The following CPED1 variants were observed in gnomAD, a reference collection of about 807,000 sequenced individuals.
The protein encoded by CPED1 is cadherin like and PC-esterase domain containing 1.
In CPED1, 114 loss-of-function variants were observed where a neutral mutation model predicts 128.2. That is an observed-to-expected ratio of 0.89 (90% confidence interval 0.76 to 1.04). The LOEUF (loss-of-function observed/expected upper bound fraction) is 1.04. CPED1 is among the 50% of genes least tolerant of loss of function. CPED1 has a pLI of 0.00. For synonymous variants in CPED1, 462 were observed against 426.7 expected (o/e 1.08, Z -1.02); for missense variants, 1,211 against 1,207.1 (o/e 1.00, Z -0.05).
chr7:121,267,595 T>C (rs953145984), intron 21 of CPED1, among the ~76,000 whole-genome samples: 1 of 151,626 alleles, frequency 6.6e-6, no homozygotes, highest in East Asian at 2.0e-4. Flanking sequence ...GATTGCTTTA[T>C]TTTAAAAATA....
chr7:121,099,973 A>C lies in CPED1; in HGVS notation c.797A>C (p.Glu266Ala), dbSNP rs1398375518. 6.2e-7 allele frequency: 1 copy of C among 1,613,712 alleles called. No individual in the cohort carries two copies. The highest frequency in any genetic ancestry group is 1.7e-5 in the Admixed American group (1 of 59,948). ...CCACATGAAACAATCTTTCGAGCCG[A>C]AGATCTATCTGTGATTCTTAAAGCG... ...LAPHETIFRAEDLSVILKAYV... is the reference protein window; with the variant it reads ...LAPHETIFRAADLSVILKAYV... Residue 266 changes from glutamate to alanine, a missense_variant, in exon 7 of 23, where the codon GAA becomes GCA. Transcript: ENST00000310396.
chr7:121,162,514 G>A (rs1337442145), intron 16 of CPED1, among the ~76,000 whole-genome samples: 1 of 152,180 alleles, frequency 6.6e-6, no homozygotes, highest in Non-Finnish European at 1.5e-5. Flanking sequence ...GTGGGAGGAA[G>A]GATGGTAATT....
At chr7:121,086,376 T>C (rs1794426583) in intron 5 of CPED1, among the ~76,000 whole-genome samples, 1 of 152,184 alleles carries the variant, frequency 6.6e-6, no homozygotes, top group South Asian at 2.1e-4. Flanking sequence ...AAACCTTACC[T>C]AATGGAAAGA....
At chr7:121,245,912 C>T (rs186266112) in intron 18 of CPED1, among the ~76,000 whole-genome samples, 5 of 152,100 alleles carry the variant, frequency 3.3e-5, no homozygotes, top group East Asian at 3.9e-4. Flanking sequence ...GGGCTGGTCT[C>T]GAACTCCTGA....
chr7:121,214,379 G>A (rs546080305), intron 16 of CPED1, among the ~76,000 whole-genome samples: 1 of 151,882 alleles, frequency 6.6e-6, no homozygotes, highest in Non-Finnish European at 1.5e-5. Flanking sequence ...TGCAACCTCC[G>A]CCTCACAAGA....
At chr7:121,289,229 A>G (rs1326207167) in intron 22 of CPED1, among the ~76,000 whole-genome samples, 1 of 152,222 alleles carries the variant, frequency 6.6e-6, no homozygotes, top group Non-Finnish European at 1.5e-5. Flanking sequence ...CAAACCTTCC[A>G]TAGCTACAGG....
rs559544967 is a variant in CPED1, at chr7:121,137,634, A to G, written c.1699+1544A>G. 2.6e-5 allele frequency among the ~76,000 whole-genome samples: 4 copies of G among 152,244 alleles called. No individual in the cohort carries two copies. In the East Asian group the frequency reaches 7.7e-4, roughly 29 times the overall value. The stretch of plus-strand genomic sequence containing the variant: ...TAGAATTAACGTATATAGCCAATTA[A>G]AGAAAATGGCATTTTAAATAAAGTA... On this transcript the variant is annotated intron_variant, in intron 14 of 22. Transcript: ENST00000310396.
intron 16 of CPED1, among the ~76,000 whole-genome samples, chr7:121,218,868 A>G (rs1797818417): frequency 6.6e-6 from 1 of 152,026 alleles, no homozygotes; most frequent in African/African-American, 2.4e-5. Context: ...AAAAAATGAC[A>G]AAAAAAGTTG....
chr7:121,127,098 G>C lies in CPED1; in HGVS notation c.1143G>C (p.Glu381Asp). The C allele has an allele frequency of 6.3e-7, 1 of 1,588,164 alleles. No homozygotes were observed. The highest frequency in any genetic ancestry group is 8.5e-7 in the Non-Finnish European group (1 of 1,169,826). Reference protein sequence around the residue: ...FMYPVVLQVHEHLNFQDYDNM... With the variant: ...FMYPVVLQVHDHLNFQDYDNM... ...CTTTTGTTCTTTCAAAGGTACACGA[G>C]CATTTAAATTTTCAAGATTATGATA... is the stretch of plus-strand genomic sequence containing the variant. The change falls in exon 10 of 23, where the codon GAG (glutamate) becomes GAC (aspartate). Residue 381 changes from glutamate to aspartate, a missense_variant. Coordinates refer to ENST00000310396, the MANE Select transcript of CPED1 (RefSeq NM_024913.5).
Position 121,064,399 on chromosome 7 carries a change from G to A in CPED1, c.616+86G>A, listed in dbSNP as rs934089432. ...AAGCAGCTAACATGGTCTCAGGTCA[G>A]CATCTGTTGCTACTTTGTCTATCAA... On this transcript the variant is annotated intron_variant, in intron 5 of 22. Coordinates refer to ENST00000310396, the MANE Select transcript of CPED1 (RefSeq NM_024913.5). The A allele has an allele frequency of 1.0e-5, 9 of 859,852 alleles. No individual in the cohort carries two copies. The East Asian group carries it at 2.0e-4, about 19-fold the overall frequency. The allele number at this position is 859,852 out of a possible 1,614,324, so 53.3% of individuals were successfully genotyped here. A position where few individuals can be genotyped will look rare whatever the true frequency, so the allele number is the denominator to read the frequency against.
chr7:121,004,972 T>G (rs1331232260), intron 2 of CPED1, among the ~76,000 whole-genome samples: 1 of 152,228 alleles, frequency 6.6e-6, no homozygotes, highest in African/African-American at 2.4e-5. Flanking sequence ...ATGATATGTT[T>G]GCTCTAGCAC....
intron 16 of CPED1, among the ~76,000 whole-genome samples, chr7:121,182,324 C>T (rs1052653147): frequency 6.7e-6 from 1 of 149,504 alleles, no homozygotes; most frequent in African/African-American, 2.5e-5. Context: ...GCATTAAAAA[C>T]AGACTAGCTC....
chr7:121,196,620 TG>T, intron 16 of CPED1, among the ~76,000 whole-genome samples: 1 of 152,240 alleles, frequency 6.6e-6, no homozygotes, highest in Non-Finnish European at 1.5e-5. Flanking sequence ...TCTGGGGACA[TG>T]TAAAATTTAG....
chr7:121,236,132 G>A (rs890904492), intron 16 of CPED1, among the ~76,000 whole-genome samples: 1 of 152,116 alleles, frequency 6.6e-6, no homozygotes, highest in African/African-American at 2.4e-5. Context: ...TTTCAGAGAT[G>A]CAATACACTA....
At chr7:121,152,946 T>C (rs1435006370) in intron 16 of CPED1, among the ~76,000 whole-genome samples, 2 of 152,162 alleles carry the variant, frequency 1.3e-5, no homozygotes, top group African/African-American at 4.8e-5. Context: ...ATTTTGACAG[T>C]TGCATGATTA....
intron 18 of CPED1, among the ~76,000 whole-genome samples, chr7:121,253,122 T>C (rs890311888): frequency 2.0e-5 from 3 of 151,624 alleles, no homozygotes; most frequent in South Asian, 4.2e-4. Context: ...CCATGGAATA[T>C]GATGCAGCCA....
intron 16 of CPED1, among the ~76,000 whole-genome samples, chr7:121,177,661 A>G (rs1796814343): frequency 6.6e-6 from 1 of 152,020 alleles, no homozygotes; most frequent in African/African-American, 2.4e-5. Context: ...CCTTCCAAAG[A>G]GCAGTGAGGA....
At chr7:121,057,495 T>C (rs1293653259) in intron 4 of CPED1, among the ~76,000 whole-genome samples, 2 of 152,158 alleles carry the variant, frequency 1.3e-5, no homozygotes, top group African/African-American at 2.4e-5. Flanking sequence ...GAGTACCCAG[T>C]GTTTAGCTCC....
intron 5 of CPED1, among the ~76,000 whole-genome samples, chr7:121,067,552 T>G: frequency 6.6e-6 from 1 of 152,210 alleles, no homozygotes; most frequent in Non-Finnish European, 1.5e-5. Context: ...TTTGCTATTG[T>G]GAATAGTGCC....
Sources: gnomAD v4.1 joint callset for allele counts (sites outside exome capture counted in the v4.1 genomes callset) on GRCh38, gnomAD v4.1.1 for gene constraint, MANE v1.5 for transcripts, NCBI Gene and HGNC (gene_info 2026-07-23, HGNC 2026-07-21) for gene names.